CTPS2: variants seen among roughly 807,000 people sequenced by gnomAD.
CTPS2 encodes CTP synthase 2.
In CTPS2, 19 loss-of-function variants were observed where a neutral mutation model predicts 46.8. That is an observed-to-expected ratio of 0.41 (90% CI 0.28 to 0.60). The LOEUF is 0.60. Among genes scored for constraint, CTPS2 ranks in the 20% least tolerant of loss-of-function variants. The pLI, the probability that CTPS2 is intolerant of heterozygous loss-of-function variation, is 0.35. For synonymous variants in CTPS2, 151 were observed against 165.2 expected (o/e 0.91, Z 0.66); for missense variants, 286 against 447.6 (o/e 0.64, Z 3.26).
intron 13 of CTPS2, among the ~76,000 whole-genome samples, chrX:16,663,961 G>C (rs1045807632): frequency 9.0e-6 from 1 of 110,800 alleles, no homozygotes; most frequent in South Asian, 3.8e-4. Flanking sequence ...TCAGCCTCCC[G>C]AGTAGCTGGG....
rs747066568 is a variant in CTPS2 at position 16,609,486 on chromosome X, A to G, written c.1691+55T>C. The G allele has an allele frequency of 9.7e-6, 11 of 1,133,075 alleles. No individual in the cohort carries two copies. The African/African-American group carries it at 2.0e-4, about 20-fold the overall frequency. The allele number at this position is 1,133,075 out of a possible 1,213,427, so 93.4% of individuals were successfully genotyped here. ...GGTATTAATTTTTGTAAGAAACCCT[A>G]AGATATTAATAACTATGCATCTTGG... On this transcript the variant is annotated intron_variant, in intron 17 of 18. Coordinates refer to ENST00000359276, the MANE Select transcript of CTPS2 (RefSeq NM_175859.3).
intron 17 of CTPS2, among the ~76,000 whole-genome samples, chrX:16,596,178 GT>G (rs777084392): frequency 0.019 from 1,855 of 99,067 alleles, 30 homozygotes; most frequent in African/African-American, 0.062. Flanking sequence ...CTCGCCAAAA[GT>G]TTTTTTTTGT....
At chrX:16,685,596 T>C (rs4831051) in intron 8 of CTPS2, among the ~76,000 whole-genome samples, 47,685 of 107,500 alleles carry the variant, frequency 0.44, 8,136 homozygotes, top group African/African-American at 0.56. Context: ...TGGTGGCTCA[T>C]GCCTGTAATC....
chrX:16,659,359 C>A (rs1932890841), intron 13 of CTPS2, among the ~76,000 whole-genome samples: 1 of 111,424 alleles, frequency 9.0e-6, no homozygotes. Flanking sequence ...AGCATTTCAA[C>A]TGGGCTCTGT....
At chrX:16,658,847 C>T (rs1043155979) in intron 13 of CTPS2, among the ~76,000 whole-genome samples, 8 of 112,314 alleles carry the variant, frequency 7.1e-5, no homozygotes, top group Non-Finnish European at 1.3e-4. Flanking sequence ...TTAAGAAGTA[C>T]TGGTGTCTTC....
chrX:16,615,383 A>C (rs1364487726), intron 16 of CTPS2, among the ~76,000 whole-genome samples: 1 of 111,631 alleles, frequency 9.0e-6, no homozygotes, highest in African/African-American at 3.3e-5. Context: ...GACATAAATG[A>C]ATGAGTGTTG....
rs760090114 is a variant in CTPS2, at chrX:16,643,096, T to C, written c.1297-3853A>G. On this transcript the variant is annotated intron_variant, in intron 13 of 18. Coordinates refer to ENST00000359276, the MANE Select transcript of CTPS2 (RefSeq NM_175859.3). Reference sequence around the variant, plus strand: ...AGGATAAATATGGCACTAATTAACCTTTACTGATGTTTTCTGCAGCCCATA... The same window carrying C: ...AGGATAAATATGGCACTAATTAACCCTTACTGATGTTTTCTGCAGCCCATA... Among the ~76,000 whole-genome samples, 6 of 112,007 alleles carry C rather than the reference T, an allele frequency of 5.4e-5. No homozygotes were observed. The South Asian group carries it at 2.3e-3, about 42-fold the overall frequency.
chrX:16,667,317 G>A (rs953303489), intron 13 of CTPS2, among the ~76,000 whole-genome samples, 197 bp downstream of exon 13: 1 of 110,554 alleles, frequency 9.0e-6, no homozygotes, highest in African/African-American at 3.3e-5. Flanking sequence ...ATTTTTAGTA[G>A]AGACAGGGGT....
chrX:16,655,773 CTTTCTTTTTTTCTT>C (rs1200039847), intron 13 of CTPS2, among the ~76,000 whole-genome samples: 1 of 111,424 alleles, frequency 9.0e-6, no homozygotes, highest in Non-Finnish European at 1.9e-5. Flanking sequence ...CTCTCTCAAC[CTTTCTTTTTTTCTT>C]TTTCTTTTTT....
intron 7 of CTPS2, among the ~76,000 whole-genome samples, chrX:16,691,252 G>C (rs1249868624): frequency 8.9e-6 from 1 of 112,008 alleles, no homozygotes; most frequent in Non-Finnish European, 1.9e-5. Context: ...CCAGGAGGCA[G>C]AGGTTGCGGT....
chrX:16,667,425 C>T (rs1330351384), intron 13 of CTPS2, 89 bp downstream of exon 13: 12 of 981,431 alleles, frequency 1.2e-5, no homozygotes, highest in South Asian at 8.0e-5. Flanking sequence ...TGAGCCATGG[C>T]GCCCAGCCAA....
At chrX:16,708,544 T>C (rs542271656) in intron 1 of CTPS2, among the ~76,000 whole-genome samples, 4 of 110,353 alleles carry the variant, frequency 3.6e-5, no homozygotes, top group Admixed American at 9.9e-5. Flanking sequence ...AAATAAATTA[T>C]ATATATACAT....
At chrX:16,658,365 A>G (rs1932869077) in intron 13 of CTPS2, among the ~76,000 whole-genome samples, 1 of 112,073 alleles carries the variant, frequency 8.9e-6, no homozygotes, top group South Asian at 3.8e-4. Flanking sequence ...ATGACTCATT[A>G]CATTCCACTG....
chrX:16,602,809 GCTTTT>G (rs762927236), intron 17 of CTPS2, among the ~76,000 whole-genome samples: 1 of 111,603 alleles, frequency 9.0e-6, no homozygotes, highest in Non-Finnish European at 1.9e-5. Flanking sequence ...TTTTTAATTG[GCTTTT>G]CTTTTTTCTT....
rs1257999515 is a variant in CTPS2, at chrX:16,669,374, G to C, written c.1189+1206C>G. Among the ~76,000 whole-genome samples, 8 of 106,266 alleles carry C rather than the reference G, an allele frequency of 7.5e-5. No individual in the cohort carries two copies. The Admixed American group carries it at 8.1e-4, about 11-fold the overall frequency. 92.3% of individuals were successfully genotyped at this position (106,266 alleles called of 115,157 possible). A position where few individuals can be genotyped will look rare whatever the true frequency, so the allele number is the denominator to read the frequency against. ...AAAGAAGGGAGCAATCAATATATCA[G>C]GGATGCCAGAACAGAAGTCAATAAG... is the stretch of plus-strand genomic sequence containing the variant. On this transcript the variant is annotated intron_variant, in intron 11 of 18. Coordinates refer to ENST00000359276, the MANE Select transcript of CTPS2 (RefSeq NM_175859.3).
intron 8 of CTPS2, among the ~76,000 whole-genome samples, chrX:16,685,867 C>CAAAAAA (rs397976604): frequency 2.9e-4 from 7 of 24,430 alleles, no homozygotes; most frequent in Admixed American, 5.2e-4. Context: ...ACTCTGTCTC[C>CAAAAAA]AAAAAAAAAA....
intron 13 of CTPS2, among the ~76,000 whole-genome samples, chrX:16,659,732 G>A (rs149741304): frequency 1.6e-3 from 178 of 111,694 alleles, no homozygotes; most frequent in African/African-American, 5.5e-3. Flanking sequence ...ATCACTTCAC[G>A]TAGTTACTGT....
chrX:16,639,229 G>A lies in CTPS2; in HGVS notation c.1311C>T (p.Pro437=), dbSNP rs141322478. ...CTCCCAAATTGCCAGGGTTGTGCTC[G>A]GGCATATCAATCACCTTAGAAAACA... ...NAPVPLVIDM[P]EHNPGNLGGT... is the part of the protein sequence containing the mutation. The change falls in exon 14 of 19, where the codon CCC becomes CCT. Residue 437 remains proline (P), a synonymous_variant. Coordinates refer to ENST00000359276, the MANE Select transcript of CTPS2 (RefSeq NM_175859.3). 13 of 1,200,164 alleles carry A rather than the reference G, an allele frequency of 1.1e-5. No individual in the cohort carries two copies. Among genetic ancestry groups the A allele is most frequent in the Middle Eastern group, 2.3e-4 (1 of 4,346 alleles).
chrX:16,664,261 T>C (rs955070621), intron 13 of CTPS2, among the ~76,000 whole-genome samples: 1 of 112,532 alleles, frequency 8.9e-6, no homozygotes, highest in Non-Finnish European at 1.9e-5. Context: ...TCCCAAAGTA[T>C]ATCTTAGAAA....
Sources: allele counts gnomAD v4.1 joint callset (sites outside exome capture counted in the v4.1 genomes callset), GRCh38; gene constraint gnomAD v4.1.1; transcripts MANE v1.5; gene names NCBI Gene and HGNC (gene_info 2026-07-23, HGNC 2026-07-21).